The following HS2ST1 variants were observed in gnomAD, a reference collection of about 807,000 sequenced individuals.
HS2ST1 encodes the protein 2-O-sulfotransferase.
In HS2ST1, 18 loss-of-function variants were observed where a neutral mutation model predicts 42.9. The ratio of observed to expected loss-of-function variants is 0.42; its 90% CI spans 0.29 to 0.62. HS2ST1 has a LOEUF of 0.62. Ranked by LOEUF, HS2ST1 falls within the 20% of genes least tolerant of loss-of-function variation. The pLI, the probability that HS2ST1 is intolerant of heterozygous loss-of-function variation, is 0.21. For synonymous variants in HS2ST1, 146 were observed against 152.9 expected (o/e 0.95, Z 0.33); for missense variants, 334 against 433.8 (o/e 0.77, Z 2.04).
chr1:87,034,643 C>T (rs1274835014), intron 1 of HS2ST1, among the ~76,000 whole-genome samples: 1 of 152,192 alleles, frequency 6.6e-6, no homozygotes, highest in African/African-American at 2.4e-5. Context: ...TTCAAATTCT[C>T]TCAGTTGAGA....
intron 1 of HS2ST1, among the ~76,000 whole-genome samples, chr1:87,061,437 TTAATA>T (rs1651120846): frequency 1.3e-5 from 2 of 152,156 alleles, no homozygotes; most frequent in African/African-American, 4.8e-5. Flanking sequence ...CACCAATATA[TTAATA>T]TATACTGTTT....
intron 2 of HS2ST1, among the ~76,000 whole-genome samples, chr1:87,080,952 G>C (rs1049416627): frequency 1.3e-5 from 2 of 152,146 alleles, no homozygotes; most frequent in African/African-American, 4.8e-5. Flanking sequence ...GCCACCATGG[G>C]CTAAAGTGCT....
intron 3 of HS2ST1, among the ~76,000 whole-genome samples, chr1:87,085,943 C>T (rs1038089344): frequency 2.0e-5 from 3 of 152,082 alleles, no homozygotes; most frequent in Non-Finnish European, 4.4e-5. Flanking sequence ...TGAATATTTT[C>T]ATAGTGAGTC....
chr1:87,049,141 A>G (rs1406913175), intron 1 of HS2ST1, among the ~76,000 whole-genome samples: 1 of 151,952 alleles, frequency 6.6e-6, no homozygotes, highest in East Asian at 1.9e-4. Flanking sequence ...GCTATCTGTG[A>G]GCTTCGTTAA....
intron 1 of HS2ST1, chr1:86,934,383 A>T (rs1362103734): frequency 6.6e-6 from 1 of 152,272 alleles, no homozygotes; most frequent in African/African-American, 2.4e-5. Context: ...GGTAAAACTC[A>T]GGAAAGTTTC....
intron 1 of HS2ST1, among the ~76,000 whole-genome samples, chr1:86,952,530 G>A (rs1263745031): frequency 6.6e-6 from 1 of 152,126 alleles, no homozygotes; most frequent in Non-Finnish European, 1.5e-5. Flanking sequence ...GAGCCAGCAT[G>A]CCCAGCCAAA....
intron 1 of HS2ST1, among the ~76,000 whole-genome samples, chr1:86,955,459 C>T (rs1378029904): frequency 1.3e-5 from 2 of 152,044 alleles, no homozygotes; most frequent in Non-Finnish European, 2.9e-5. Flanking sequence ...ACCATTCCCG[C>T]CCACCCCCTG....
At chr1:87,049,406 C>T (rs1650777378) in intron 1 of HS2ST1, among the ~76,000 whole-genome samples, 1 of 151,842 alleles carries the variant, frequency 6.6e-6, no homozygotes, top group Non-Finnish European at 1.5e-5. Context: ...CTAATATGAT[C>T]GTGTAGTGCT....
At chr1:86,964,623 C>T (rs1003635955) in intron 1 of HS2ST1, among the ~76,000 whole-genome samples, 4 of 152,108 alleles carry the variant, frequency 2.6e-5, no homozygotes, top group Non-Finnish European at 4.4e-5. Context: ...CAGAGGGAGA[C>T]CTTGGAAAGA....
intron 1 of HS2ST1, among the ~76,000 whole-genome samples, chr1:87,047,187 C>T (rs1490917485): frequency 1.3e-5 from 2 of 151,988 alleles, no homozygotes; most frequent in Non-Finnish European, 2.9e-5. Flanking sequence ...TTGTAGTTTT[C>T]CTTTTATTTT....
chr1:86,962,045 A>G (rs139099618), intron 1 of HS2ST1, among the ~76,000 whole-genome samples: 3 of 152,286 alleles, frequency 2.0e-5, no homozygotes, highest in African/African-American at 7.2e-5. Flanking sequence ...ATTGTAAGTA[A>G]TGCTGCCATA....
At chr1:86,977,104 A>G (rs1046879285) in intron 1 of HS2ST1, among the ~76,000 whole-genome samples, 4 of 152,156 alleles carry the variant, frequency 2.6e-5, no homozygotes, top group African/African-American at 9.7e-5. Flanking sequence ...CTGATTTGGT[A>G]TAAATGATTT....
intron 1 of HS2ST1, among the ~76,000 whole-genome samples, chr1:87,066,330 G>C (rs919944261): frequency 2.0e-5 from 3 of 152,148 alleles, no homozygotes; most frequent in African/African-American, 7.2e-5. Flanking sequence ...ATCTTCAGTT[G>C]GAAATAATAG....
Position 87,058,712 on chromosome 1 carries a change from C to A in HS2ST1, c.125-14222C>A, listed in dbSNP as rs141196878. On this transcript the variant is annotated intron_variant, in intron 1 of 6. Transcript: ENST00000370550. ...AATTCATATCTCTGAGTCTAAATTC[C>A]GTAATGTTACCATATAGGATTATTG... 1.1e-3 allele frequency among the ~76,000 whole-genome samples: 167 copies of A among 151,552 alleles called. No homozygotes were observed. In the Middle Eastern group the frequency reaches 0.02, roughly 19 times the overall value.
chr1:86,967,070 T>C (rs901156065), intron 1 of HS2ST1, among the ~76,000 whole-genome samples: 5 of 152,076 alleles, frequency 3.3e-5, no homozygotes, highest in Non-Finnish European at 7.4e-5. Flanking sequence ...TTTGCATTTT[T>C]AGTAGAGATG....
chr1:86,922,980 G>C (rs955110067), intron 1 of HS2ST1, among the ~76,000 whole-genome samples: 4 of 151,844 alleles, frequency 2.6e-5, no homozygotes, highest in Non-Finnish European at 5.9e-5. Flanking sequence ...ACATGAAATT[G>C]TTCTACAGTT....
At position 87,053,034 on chromosome 1, in the gene HS2ST1, A is replaced by G. The variant is rs182475520; in HGVS notation, c.125-19900A>G. Reference sequence around the variant, plus strand: ...CTGATGCATGCTCAGTTTGAGAACCACTGCTTTAGAATATGATGCATATCA... The same window carrying G: ...CTGATGCATGCTCAGTTTGAGAACCGCTGCTTTAGAATATGATGCATATCA... On this transcript the variant is annotated intron_variant, in intron 1 of 6. Transcript: ENST00000370550. Among the ~76,000 whole-genome samples, 7 of 152,310 alleles carry G rather than the reference A, an allele frequency of 4.6e-5. No homozygotes were observed. In the East Asian group the frequency reaches 1.2e-3, roughly 25 times the overall value.
chr1:87,096,574 C>A (rs1652072056), intron 4 of HS2ST1, among the ~76,000 whole-genome samples: 1 of 152,148 alleles, frequency 6.6e-6, no homozygotes, highest in Non-Finnish European at 1.5e-5. Flanking sequence ...ATTTCTCAAC[C>A]TCAACATTAT....
At chr1:87,030,922 T>C (rs1650219766) in intron 1 of HS2ST1, among the ~76,000 whole-genome samples, 1 of 152,098 alleles carries the variant, frequency 6.6e-6, no homozygotes, top group Admixed American at 6.6e-5. Context: ...AGTTGTTTGG[T>C]TCTTTAAGTC....
Sources: gnomAD v4.1 joint callset for allele counts (sites outside exome capture counted in the v4.1 genomes callset) on GRCh38, gnomAD v4.1.1 for gene constraint, MANE v1.5 for transcripts, NCBI Gene and HGNC (gene_info 2026-07-23, HGNC 2026-07-21) for gene names.